The following PRKG1 variants were observed in gnomAD, a reference collection of about 807,000 sequenced individuals.
PRKG1 encodes the protein cGMP-dependent protein kinase 1.
Under a neutral mutation model 88.1 loss-of-function variants are expected in PRKG1, and 35 were observed. The observed-to-expected ratio is 0.40, with a 90% confidence interval of 0.30 to 0.53. The LOEUF (loss-of-function observed/expected upper bound fraction) is 0.53, where lower values mean the gene tolerates loss of function less well. PRKG1 is among the 20% of genes least tolerant of loss of function. The pLI, the probability that PRKG1 is intolerant of heterozygous loss-of-function variation, is 0.59. For missense variants in PRKG1, 540 were observed against 839.8 expected, an observed-to-expected ratio of 0.64 and a Z score of 4.41; for synonymous variants, 303 against 292.5, an observed-to-expected ratio of 1.04 and a Z score of -0.37.
At chr10:52,183,803 G>A (rs1054651906) in intron 9 of PRKG1, among the ~76,000 whole-genome samples, 3 of 152,240 alleles carry the variant, frequency 2.0e-5, no homozygotes, top group African/African-American at 7.2e-5. Context: ...GAGCAATGCA[G>A]CCATGTGAAT....
At chr10:51,176,630 T>C (rs143168622) in intron 2 of PRKG1, among the ~76,000 whole-genome samples, 161 of 152,124 alleles carry the variant, frequency 1.1e-3, no homozygotes, top group Middle Eastern at 6.8e-3. Context: ...AATAGAAAGG[T>C]TCTTGAGTTA....
chr10:51,872,496 T>A (rs1156607284), intron 4 of PRKG1, among the ~76,000 whole-genome samples: 1 of 152,188 alleles, frequency 6.6e-6, no homozygotes, highest in Non-Finnish European at 1.5e-5. Flanking sequence ...TGAATTTGGT[T>A]AAATTCAATA....
At chr10:51,398,600 G>A (rs541660413) in intron 2 of PRKG1, among the ~76,000 whole-genome samples, 23 of 152,330 alleles carry the variant, frequency 1.5e-4, no homozygotes, top group African/African-American at 5.0e-4. Context: ...GTCCCCAGAA[G>A]GGTATGTGTG....
At chr10:51,349,809 G>A (rs1304034807) in intron 2 of PRKG1, among the ~76,000 whole-genome samples, 1 of 151,984 alleles carries the variant, frequency 6.6e-6, no homozygotes, top group Non-Finnish European at 1.5e-5. Flanking sequence ...CAGATACCAT[G>A]TATGTGTATC....
At chr10:51,966,142 A>G (rs1564731590) in intron 5 of PRKG1, among the ~76,000 whole-genome samples, 1 of 152,178 alleles carries the variant, frequency 6.6e-6, no homozygotes, top group Non-Finnish European at 1.5e-5. Flanking sequence ...AGAAACATAA[A>G]TCGTTTCTGA....
intron 5 of PRKG1, among the ~76,000 whole-genome samples, chr10:52,045,444 A>G (rs768485411): frequency 1.3e-5 from 2 of 152,144 alleles, no homozygotes; most frequent in Non-Finnish European, 2.9e-5. Flanking sequence ...AGCAAGGCAA[A>G]GTTCAAGGTG....
intron 9 of PRKG1, among the ~76,000 whole-genome samples, chr10:52,206,430 G>C (rs1304432895): frequency 6.6e-6 from 1 of 152,140 alleles, no homozygotes; most frequent in Non-Finnish European, 1.5e-5. Flanking sequence ...TTTTAGCCTG[G>C]TTAAGAACCA....
At position 52,024,507 on chromosome 10, in the gene PRKG1, G is replaced by A. The variant is rs1589529542; in HGVS notation, c.763-29977G>A. Among the ~76,000 whole-genome samples, 3 of 152,000 alleles carry A rather than the reference G, an allele frequency of 2.0e-5. No homozygotes were observed. The East Asian group carries it at 5.8e-4, about 29-fold the overall frequency. The stretch of plus-strand genomic sequence containing the variant: ...CCCCCACCCCACGACAGGCCCCAGT[G>A]TCTGATGTTCCCTGCCCTGTGTCCA... On this transcript the variant is annotated intron_variant, in intron 5 of 17. Coordinates refer to ENST00000373980, the MANE Select transcript of PRKG1 (RefSeq NM_006258.4).
At chr10:51,771,684 A>G (rs2132546587) in intron 3 of PRKG1, among the ~76,000 whole-genome samples, 1 of 152,342 alleles carries the variant, frequency 6.6e-6, no homozygotes, top group Non-Finnish European at 1.5e-5. Context: ...ACAAGAGTAA[A>G]GAATGGGTGT....
At chr10:51,030,628 G>C (rs1843270359) in intron 1 of PRKG1, among the ~76,000 whole-genome samples, 2 of 152,132 alleles carry the variant, frequency 1.3e-5, no homozygotes, top group African/African-American at 2.4e-5. Flanking sequence ...GGGCTTAGTG[G>C]GAGGTGTTTG....
At chr10:51,032,142 G>C (rs1843291525) in intron 1 of PRKG1, among the ~76,000 whole-genome samples, 1 of 152,116 alleles carries the variant, frequency 6.6e-6, no homozygotes, top group Admixed American at 6.6e-5. Flanking sequence ...GCAGCTGCCA[G>C]TGTCCTTGGA....
At chr10:51,238,647 G>A (rs1236264449) in intron 2 of PRKG1, among the ~76,000 whole-genome samples, 3 of 151,742 alleles carry the variant, frequency 2.0e-5, no homozygotes, top group Non-Finnish European at 4.4e-5. Context: ...CGTAATCTCA[G>A]CTTCTCAGGA....
intron 1 of PRKG1, among the ~76,000 whole-genome samples, chr10:50,993,297 G>C (rs1189468832): frequency 6.6e-6 from 1 of 152,232 alleles, no homozygotes; most frequent in African/African-American, 2.4e-5. Flanking sequence ...ACAGCTTTCA[G>C]ATTTCCTGAG....
At chr10:51,277,813 G>A (rs1482445329) in intron 2 of PRKG1, among the ~76,000 whole-genome samples, 1 of 152,200 alleles carries the variant, frequency 6.6e-6, no homozygotes, top group Non-Finnish European at 1.5e-5. Context: ...TGTATCCTGA[G>A]ACTTTGCTGA....
At chr10:52,143,622 G>C (rs1458137306) in intron 8 of PRKG1, among the ~76,000 whole-genome samples, 2 of 152,152 alleles carry the variant, frequency 1.3e-5, no homozygotes, top group African/African-American at 2.4e-5. Context: ...AACCACCTGA[G>C]GGGAAGTCCG....
chr10:51,801,746 A>G (rs1287121263), intron 3 of PRKG1, among the ~76,000 whole-genome samples: 1 of 152,098 alleles, frequency 6.6e-6, no homozygotes, highest in Non-Finnish European at 1.5e-5. Flanking sequence ...GTGTCCCCTA[A>G]ATGAAGGCCA....
chr10:51,638,348 C>G (rs1030759966), intron 3 of PRKG1, among the ~76,000 whole-genome samples: 5 of 152,210 alleles, frequency 3.3e-5, no homozygotes, highest in Non-Finnish European at 7.3e-5. Context: ...AGTGCTGAGT[C>G]TCCCAAATGA....
At chr10:51,140,021 T>A (rs1845785282) in intron 1 of PRKG1, among the ~76,000 whole-genome samples, 1 of 152,204 alleles carries the variant, frequency 6.6e-6, no homozygotes, top group Non-Finnish European at 1.5e-5. Context: ...ATCTAAAGGA[T>A]CTGGCTCACC....
Position 51,087,555 on chromosome 10 carries a change from T to C in PRKG1, c.311+12654T>C, listed in dbSNP as rs138574294. ...CTCACTCTCTATATGCTCTGTTGTT[T>C]AGCTATTTGTTTCATCAACTCATTT... On this transcript the variant is annotated intron_variant, in intron 1 of 17. Transcript: ENST00000373980. Among the ~76,000 whole-genome samples, 44 of 152,300 alleles carry C rather than the reference T, an allele frequency of 2.9e-4. 2 individuals carry two copies. In the East Asian group the frequency reaches 8.5e-3, roughly 29 times the overall value.
Sources: allele counts gnomAD v4.1 joint callset (sites outside exome capture counted in the v4.1 genomes callset), GRCh38; gene constraint gnomAD v4.1.1; transcripts MANE v1.5; gene names NCBI Gene and HGNC (gene_info 2026-07-23, HGNC 2026-07-21).